The following DIP2C variants were observed in gnomAD, a reference collection of about 807,000 sequenced individuals.
DIP2C encodes the protein disco-interacting protein 2 homolog C.
Under a neutral mutation model 192.4 loss-of-function variants are expected in DIP2C, and 33 were observed. That is an observed-to-expected ratio of 0.17 (90% confidence interval 0.13 to 0.23). The LOEUF (loss-of-function observed/expected upper bound fraction) is 0.23. Ranked by LOEUF, DIP2C falls within the 10% of genes least tolerant of loss-of-function variation. The pLI, the probability that DIP2C is intolerant of heterozygous loss-of-function variation, is 1.00. For missense variants in DIP2C, 1,537 were observed against 2,110.1 expected (o/e 0.73, Z 5.32); for synonymous variants, 979 against 864.1 (o/e 1.13, Z -2.33).
intron 3 of DIP2C, among the ~76,000 whole-genome samples, chr10:468,921 G>A (rs1049532970): frequency 6.6e-6 from 1 of 152,218 alleles, no homozygotes; most frequent in Non-Finnish European, 1.5e-5. Context: ...ACACAGTAAG[G>A]CAAATTCTAC....
intron 1 of DIP2C, chr10:669,686 C>G (rs2132134058): frequency 6.6e-6 from 1 of 152,326 alleles, no homozygotes; most frequent in African/African-American, 2.4e-5. Context: ...TGAATTCTCA[C>G]AACTGTGGCA....
At chr10:614,210 G>A (rs1199162994) in intron 1 of DIP2C, among the ~76,000 whole-genome samples, 1 of 152,194 alleles carries the variant, frequency 6.6e-6, no homozygotes, top group Non-Finnish European at 1.5e-5. Flanking sequence ...CCCAAGCCGA[G>A]TCACACTTGG....
At chr10:340,273 TA>T (rs1958079816) in intron 29 of DIP2C, among the ~76,000 whole-genome samples, 1 of 151,980 alleles carries the variant, frequency 6.6e-6, no homozygotes, top group African/African-American at 2.4e-5. Flanking sequence ...TATATTAACA[TA>T]TATTTATTCA....
At chr10:468,736 T>C (rs1427255675) in intron 3 of DIP2C, among the ~76,000 whole-genome samples, 2 of 152,014 alleles carry the variant, frequency 1.3e-5, no homozygotes, top group African/African-American at 2.4e-5. Flanking sequence ...GATCACACCA[T>C]TGCACTCCAG....
chr10:500,992 C>A (rs1389974501), intron 1 of DIP2C, among the ~76,000 whole-genome samples: 1 of 152,124 alleles, frequency 6.6e-6, no homozygotes, highest in African/African-American at 2.4e-5. Context: ...GCGGAGGGGG[C>A]AAATGACCTA....
intron 7 of DIP2C, among the ~76,000 whole-genome samples, chr10:414,852 T>TTGTG (rs748231177): frequency 0.023 from 2,315 of 98,820 alleles, 77 homozygotes; most frequent in East Asian, 0.045. Flanking sequence ...ACATATATAT[T>TTGTG]TGTGTGTGTG....
intron 8 of DIP2C, among the ~76,000 whole-genome samples, chr10:411,249 G>A (rs1965164845): frequency 6.6e-6 from 1 of 152,260 alleles, no homozygotes. Context: ...AAAGCCAGAT[G>A]AACGTATAGG....
chr10:387,731 G>C lies in DIP2C; in HGVS notation c.1662+14C>G. ...TCCTTTGTGGACAGACACGGCCGGG[G>C]GGACCTCACTTACTGTCAGGATGCC... On this transcript the variant is annotated intron_variant, in intron 14 of 36. Transcript: ENST00000280886. 2 of 1,613,994 alleles carry C rather than the reference G, an allele frequency of 1.2e-6. No homozygotes were observed. The highest frequency in any genetic ancestry group is 1.7e-6 in the Non-Finnish European group (2 of 1,179,948).
rs190314600 is a variant in DIP2C, at chr10:545,324, G to A, written c.86-58794C>T. Among the ~76,000 whole-genome samples, 585 of 151,962 alleles carry A rather than the reference G, an allele frequency of 3.8e-3. 4 individuals are homozygous for A. The highest frequency in any genetic ancestry group is 0.017 in the Middle Eastern group (5 of 294). ...TGGGACTACAGGCACCTGCCACAAC[G>A]CCCAGGTAATTTTTGTAGTTTTAGT... On this transcript the variant is annotated intron_variant, in intron 1 of 36. Transcript: ENST00000280886.
intron 1 of DIP2C, among the ~76,000 whole-genome samples, chr10:596,551 C>T (rs1423640697): frequency 7.1e-6 from 1 of 140,392 alleles, no homozygotes; most frequent in African/African-American, 2.6e-5. Context: ...TTCCAATGAA[C>T]CTATCATTCT....
intron 29 of DIP2C, among the ~76,000 whole-genome samples, chr10:333,061 C>T (rs557129039): frequency 2.0e-5 from 3 of 152,246 alleles, no homozygotes; most frequent in African/African-American, 7.2e-5. Context: ...TGCCACCACG[C>T]CAGGCTAATT....
intron 1 of DIP2C, among the ~76,000 whole-genome samples, chr10:618,778 A>G (rs1204570681): frequency 6.6e-6 from 1 of 152,218 alleles, no homozygotes; most frequent in Non-Finnish European, 1.5e-5. Context: ...CCACACAGAC[A>G]CGTGCAGACC....
chr10:309,400 A>C (rs1956475714), intron 32 of DIP2C, among the ~76,000 whole-genome samples: 2 of 152,078 alleles, frequency 1.3e-5, no homozygotes, highest in Non-Finnish European at 2.9e-5. Flanking sequence ...ATGTAAAGAA[A>C]TGTGGGCAGG....
Position 480,747 on chromosome 10 carries a change from G to A in DIP2C, c.157+5712C>T, listed in dbSNP as rs1441253996. 1.3e-5 allele frequency among the ~76,000 whole-genome samples: 2 copies of A among 152,206 alleles called. 1 individual carries two copies. Among genetic ancestry groups the A allele is most frequent in the Non-Finnish European group, 2.9e-5 (2 of 68,038 alleles). On this transcript the variant is annotated intron_variant, in intron 2 of 36. Coordinates refer to ENST00000280886, the MANE Select transcript of DIP2C (RefSeq NM_014974.3). ...TGAAAAGACCAGGAAATAAACGTAC[G>A]GGATCAAACTGACAGCTCCCTGTGG... is the stretch of plus-strand genomic sequence containing the variant.
chr10:479,129 T>TG, intron 2 of DIP2C, among the ~76,000 whole-genome samples: 1 of 152,336 alleles, frequency 6.6e-6, no homozygotes, highest in Middle Eastern at 3.4e-3. Flanking sequence ...CTCAATTACA[T>TG]GCTCTTGTTC....
intron 26 of DIP2C, among the ~76,000 whole-genome samples, chr10:347,272 T>C (rs1453098917): frequency 9.8e-6 from 1 of 102,134 alleles, no homozygotes; most frequent in African/African-American, 4.6e-5. Context: ...CCCAGACACA[T>C]CACGCATAGT....
chr10:570,916 C>T (rs1444539219), intron 1 of DIP2C, among the ~76,000 whole-genome samples: 1 of 152,270 alleles, frequency 6.6e-6, no homozygotes. Context: ...CAGCATCCCC[C>T]TCCTCGCCAG....
chr10:339,757 A>T (rs983564230), intron 29 of DIP2C, among the ~76,000 whole-genome samples: 38 of 152,234 alleles, frequency 2.5e-4, no homozygotes, highest in African/African-American at 9.2e-4. Flanking sequence ...TATTTCATTT[A>T]TTCAGTTTTA....
chr10:296,382 G>T (rs1955753192), intron 32 of DIP2C, among the ~76,000 whole-genome samples: 1 of 152,010 alleles, frequency 6.6e-6, no homozygotes, highest in South Asian at 2.1e-4. Flanking sequence ...AAAAAGTCAG[G>T]AAACAACAGG....
Sources: gnomAD v4.1 joint callset for allele counts (sites outside exome capture counted in the v4.1 genomes callset) on GRCh38, gnomAD v4.1.1 for gene constraint, MANE v1.5 for transcripts, NCBI Gene and HGNC (gene_info 2026-07-23, HGNC 2026-07-21) for gene names.